ASB5: variants seen among roughly 807,000 people sequenced by gnomAD.
ASB5 encodes ankyrin repeat and SOCS box protein 5.
ASB5 carries 45 observed loss-of-function variants against 42.1 expected under a neutral mutation model. The observed-to-expected ratio is 1.07, with a 90% CI of 0.84 to 1.37. ASB5 has a LOEUF of 1.37. ASB5 is among the 40% of genes most tolerant of loss of function. The probability of loss-of-function intolerance (pLI) is 0.00; values close to 1 mark genes in which losing one functional copy is unlikely to be tolerated. For synonymous variants in ASB5, 147 were observed against 150.6 expected, an observed-to-expected ratio of 0.98 and a Z score of 0.18; for missense variants, 402 against 399.8, an observed-to-expected ratio of 1.01 and a Z score of -0.05.
At chr4:176,229,025 TTG>T (rs1263254328) in intron 1 of ASB5, among the ~76,000 whole-genome samples, 1 of 152,220 alleles carries the variant, frequency 6.6e-6, no homozygotes, top group Non-Finnish European at 1.5e-5. Context: ...TGAAGCCACT[TTG>T]TTCAGTTCAA....
intron 1 of ASB5, among the ~76,000 whole-genome samples, chr4:176,236,817 T>C (rs970981431): frequency 2.0e-5 from 3 of 152,218 alleles, no homozygotes; most frequent in Non-Finnish European, 2.9e-5. Flanking sequence ...TTTGGTACTG[T>C]GCTCATTCTC....
intron 1 of ASB5, among the ~76,000 whole-genome samples, chr4:176,230,538 T>A (rs1207593522): frequency 6.6e-6 from 1 of 152,214 alleles, no homozygotes; most frequent in Non-Finnish European, 1.5e-5. Context: ...TTATTTATTT[T>A]CTTGTAATCC....
intron 1 of ASB5, 43 bp downstream of exon 1, chr4:176,268,870 G>A: frequency 1.4e-6 from 2 of 1,449,358 alleles, no homozygotes; most frequent in Non-Finnish European, 1.8e-6. Context: ...TCAGATGAAA[G>A]TTAAACTCCA....
intron 1 of ASB5, among the ~76,000 whole-genome samples, chr4:176,232,192 G>A (rs1204782500): frequency 2.7e-5 from 4 of 149,270 alleles, no homozygotes; most frequent in African/African-American, 7.4e-5. Context: ...GTGCGATCTC[G>A]GCTCACTGCA....
intron 1 of ASB5, among the ~76,000 whole-genome samples, chr4:176,256,845 G>A (rs1009568111): frequency 4.6e-5 from 7 of 152,056 alleles, no homozygotes; most frequent in East Asian, 1.9e-4. Flanking sequence ...GGGCTGAGGC[G>A]GGAGGATTGC....
chr4:176,249,626 C>G (rs1317855581), intron 1 of ASB5: 1 of 152,062 alleles, frequency 6.6e-6, no homozygotes, highest in Non-Finnish European at 1.5e-5. Context: ...AACAGGGCAT[C>G]CGAGAAGACC....
At chr4:176,240,098 C>G (rs71613782) in intron 1 of ASB5, among the ~76,000 whole-genome samples, 23,975 of 151,994 alleles carry the variant, frequency 0.16, 2,509 homozygotes, top group Middle Eastern at 0.29. Context: ...TGTAAGAGAG[C>G]ACTGTGAAAT....
At chr4:176,275,451 T>C (rs911990948) in intron 2 of ASB5, among the ~76,000 whole-genome samples, 1 of 152,142 alleles carries the variant, frequency 6.6e-6, no homozygotes, top group Admixed American at 6.6e-5. Context: ...GAGAAAAAAA[T>C]TATATTTTAA....
chr4:176,225,715 G>C (rs1314721766), intron 1 of ASB5, among the ~76,000 whole-genome samples: 1 of 152,032 alleles, frequency 6.6e-6, no homozygotes, highest in African/African-American at 2.4e-5. Context: ...TCAGTTTCTC[G>C]AGTAGCAGGG....
chr4:176,248,168 G>T, intron 1 of ASB5, among the ~76,000 whole-genome samples: 1 of 151,978 alleles, frequency 6.6e-6, no homozygotes, highest in Non-Finnish European at 1.5e-5. Flanking sequence ...ACTCTGTCAT[G>T]CAGGCTGGAG....
intron 1 of ASB5, among the ~76,000 whole-genome samples, chr4:176,267,875 T>C (rs1215723749): frequency 6.6e-6 from 1 of 152,172 alleles, no homozygotes; most frequent in African/African-American, 2.4e-5. Flanking sequence ...CATGTACTAA[T>C]AGAGTAACCT....
At chr4:176,222,273 C>G in intron 3 of ASB5, 40 bp downstream of exon 3, 1 of 1,521,034 alleles carries the variant, frequency 6.6e-7, no homozygotes, top group South Asian at 1.1e-5. Flanking sequence ...TTCCCTCCGT[C>G]AGTAGATGTT....
chr4:176,251,883 T>C (rs1754044438), intron 1 of ASB5, among the ~76,000 whole-genome samples: 1 of 150,900 alleles, frequency 6.6e-6, no homozygotes, highest in Non-Finnish European at 1.5e-5. Context: ...GCAAGCAACA[T>C]GGCTAGATCC....
intron 1 of ASB5, among the ~76,000 whole-genome samples, chr4:176,244,731 A>AG (rs1753875742): frequency 6.6e-6 from 1 of 152,114 alleles, no homozygotes. Flanking sequence ...TGGGCAACAT[A>AG]GCAAGACCCC....
chr4:176,246,087 T>C (rs1056001753), intron 1 of ASB5, among the ~76,000 whole-genome samples: 1 of 152,126 alleles, frequency 6.6e-6, no homozygotes, highest in African/African-American at 2.4e-5. Flanking sequence ...ATCCCCCATA[T>C]TGATCTTGGT....
intron 1 of ASB5, among the ~76,000 whole-genome samples, chr4:176,250,025 A>G (rs923702085): frequency 3.3e-5 from 5 of 150,458 alleles, no homozygotes; most frequent in Admixed American, 6.7e-5. Context: ...AGATCACACC[A>G]CTGCACTCCA....
intron 1 of ASB5, among the ~76,000 whole-genome samples, chr4:176,264,532 GAATACATTAAATA>G (rs1754321637): frequency 6.6e-6 from 1 of 152,122 alleles, no homozygotes; most frequent in East Asian, 1.9e-4. Flanking sequence ...GGAATGAAAA[GAATACATTAAATA>G]AATCAAATGC....
intron 5 of ASB5, among the ~76,000 whole-genome samples, chr4:176,219,120 GAT>G (rs1753089409): frequency 1.0e-5 from 1 of 96,806 alleles, no homozygotes; most frequent in Non-Finnish European, 1.9e-5. Context: ...ATATTTGTAT[GAT>G]ATATATATTT....
intron 5 of ASB5, 100 bp downstream of exon 5, chr4:176,221,055 T>G: frequency 7.3e-7 from 1 of 1,362,798 alleles, no homozygotes. Flanking sequence ...ATAAGAACAT[T>G]TTTTAGCAAT....
Sources: gnomAD v4.1 joint callset for allele counts (sites outside exome capture counted in the v4.1 genomes callset) on GRCh38, gnomAD v4.1.1 for gene constraint, MANE v1.5 for transcripts, NCBI Gene and HGNC (gene_info 2026-07-23, HGNC 2026-07-21) for gene names.